NKAIN2: variants seen among roughly 807,000 people sequenced by gnomAD.
NKAIN2 encodes the protein sodium/potassium transporting ATPase interacting 2, also known as sodium/potassium-transporting ATPase subunit beta-1-interacting protein 2.
Under a neutral mutation model 32.6 loss-of-function variants are expected in NKAIN2, and 14 were observed. The ratio of observed to expected loss-of-function variants is 0.43; its 90% confidence interval spans 0.28 to 0.67. NKAIN2 has a LOEUF of 0.67. NKAIN2 is among the 30% of genes least tolerant of loss of function. NKAIN2 has a pLI of 0.17. For missense variants in NKAIN2, 198 were observed against 258.3 expected, an observed-to-expected ratio of 0.77 and a Z score of 1.60; for synonymous variants, 80 against 87.2, an observed-to-expected ratio of 0.92 and a Z score of 0.46.
intron 3 of NKAIN2, among the ~76,000 whole-genome samples, chr6:124,391,778 T>C (rs958973912): frequency 6.6e-6 from 1 of 152,160 alleles, no homozygotes; most frequent in African/African-American, 2.4e-5. Flanking sequence ...CTTTTGGTGG[T>C]GCTCAAAACT....
chr6:124,714,644 A>G (rs964849942), intron 4 of NKAIN2, among the ~76,000 whole-genome samples: 6 of 152,334 alleles, frequency 3.9e-5, no homozygotes, highest in Admixed American at 1.3e-4. Flanking sequence ...CAGGCCGTCT[A>G]AAGAAGAAAG....
chr6:123,968,341 G>T (rs1329417511), intron 1 of NKAIN2, among the ~76,000 whole-genome samples: 1 of 152,062 alleles, frequency 6.6e-6, no homozygotes, highest in Non-Finnish European at 1.5e-5. Flanking sequence ...TACTTATAGT[G>T]GTCCAGATGA....
chr6:124,358,713 G>T (rs142313461), intron 3 of NKAIN2, among the ~76,000 whole-genome samples: 22,749 of 151,532 alleles, frequency 0.15, 2,135 homozygotes, highest in Admixed American at 0.26. Flanking sequence ...TTTCTCCCAT[G>T]TTGTAGGTTG....
intron 1 of NKAIN2, among the ~76,000 whole-genome samples, chr6:123,844,327 G>A (rs1775005998): frequency 6.6e-6 from 1 of 152,056 alleles, no homozygotes; most frequent in Admixed American, 6.5e-5. Flanking sequence ...TTATGAGAGA[G>A]GAATTAGTTT....
At chr6:124,425,580 G>A (rs1301499387) in intron 3 of NKAIN2, among the ~76,000 whole-genome samples, 2 of 151,818 alleles carry the variant, frequency 1.3e-5, no homozygotes, top group African/African-American at 2.4e-5. Context: ...AATATATGAG[G>A]AATTTATACA....
chr6:124,113,885 A>G (rs531877368), intron 1 of NKAIN2, among the ~76,000 whole-genome samples: 153 of 152,280 alleles, frequency 1.0e-3, no homozygotes, highest in African/African-American at 3.7e-3. Context: ...ATTGTGGCTG[A>G]ATCGATATGC....
intron 1 of NKAIN2, among the ~76,000 whole-genome samples, chr6:123,879,160 T>C (rs1022338072): frequency 6.6e-6 from 1 of 152,220 alleles, no homozygotes; most frequent in Non-Finnish European, 1.5e-5. Flanking sequence ...TCTTGGGAGC[T>C]GAGTCGAACT....
At chr6:123,921,953 G>A (rs1775776445) in intron 1 of NKAIN2, among the ~76,000 whole-genome samples, 1 of 151,628 alleles carries the variant, frequency 6.6e-6, no homozygotes, top group Admixed American at 6.6e-5. Context: ...AATGCCTAAT[G>A]TTGATGAACT....
rs369961130 is a variant in NKAIN2 at position 124,331,037 on chromosome 6, T to A, written c.193-24230T>A. On this transcript the variant is annotated intron_variant, in intron 2 of 6. Coordinates refer to ENST00000368417, the MANE Select transcript of NKAIN2 (RefSeq NM_001040214.3). ...AAATTGGTCCCTGGTGCCAAAAAGG[T>A]TGGGACCGCTGCCCTACAGCATCTA... Among the ~76,000 whole-genome samples the A allele has an allele frequency of 6.8e-4, 103 of 152,204 alleles. 3 individuals are homozygous for A. In the South Asian group the frequency reaches 0.021, roughly 31 times the overall value.
chr6:123,853,090 G>C (rs968257779), intron 1 of NKAIN2, among the ~76,000 whole-genome samples: 1 of 152,172 alleles, frequency 6.6e-6, no homozygotes, highest in African/African-American at 2.4e-5. Context: ...TCTTGATACT[G>C]TGTGCCACAG....
At chr6:124,333,048 A>C (rs180794382) in intron 2 of NKAIN2, among the ~76,000 whole-genome samples, 1 of 152,294 alleles carries the variant, frequency 6.6e-6, no homozygotes, top group African/African-American at 2.4e-5. Flanking sequence ...AATTCTAGAA[A>C]TCTGCCTAGA....
chr6:124,556,366 A>G (rs1780476217), intron 3 of NKAIN2, among the ~76,000 whole-genome samples: 1 of 152,146 alleles, frequency 6.6e-6, no homozygotes, highest in Non-Finnish European at 1.5e-5. Flanking sequence ...TGCCATTGTG[A>G]TGGTATTAAG....
chr6:124,553,166 A>G (rs1459982565), intron 3 of NKAIN2, among the ~76,000 whole-genome samples: 2 of 152,236 alleles, frequency 1.3e-5, no homozygotes, highest in Non-Finnish European at 2.9e-5. Flanking sequence ...ATGTTTAGCA[A>G]TGAATCGTTA....
chr6:124,454,078 A>G (rs1165337415), intron 3 of NKAIN2, among the ~76,000 whole-genome samples: 3 of 118,786 alleles, frequency 2.5e-5, no homozygotes, highest in African/African-American at 9.7e-5. Flanking sequence ...TGAAATACTT[A>G]GTTCTTTAAT....
intron 1 of NKAIN2, among the ~76,000 whole-genome samples, chr6:124,134,010 G>T (rs1357488003): frequency 6.6e-6 from 1 of 151,702 alleles, no homozygotes; most frequent in Non-Finnish European, 1.5e-5. Context: ...TATCTCCCCA[G>T]CAACTGATCT....
At position 124,057,290 on chromosome 6, in the gene NKAIN2, A is replaced by G. The variant is rs151092493; in HGVS notation, c.55-225715A>G. Among the ~76,000 whole-genome samples the G allele has an allele frequency of 4.2e-3, 641 of 152,062 alleles. 5 individuals carry two copies. The highest frequency in any genetic ancestry group is 0.03 in the East Asian group (153 of 5,156). On this transcript the variant is annotated intron_variant, in intron 1 of 6. Transcript: ENST00000368417. ...TGTTCTCATTCATCCCTCCAACTAC[A>G]TGTATGTTTCTTTTTAAATTTGTCT...
At chr6:124,585,635 A>T (rs907173160) in intron 3 of NKAIN2, among the ~76,000 whole-genome samples, 2 of 152,236 alleles carry the variant, frequency 1.3e-5, no homozygotes, top group African/African-American at 2.4e-5. Flanking sequence ...ACATCTGATC[A>T]GACATTTTTT....
intron 3 of NKAIN2, among the ~76,000 whole-genome samples, chr6:124,396,896 GTCTT>G (rs1773406111): frequency 6.6e-6 from 1 of 152,122 alleles, no homozygotes; most frequent in Admixed American, 6.5e-5. Context: ...GCATTATTTA[GTCTT>G]TCTTATGGAG....
Position 124,474,975 on chromosome 6 carries a change from G to A in NKAIN2, c.273+119628G>A, listed in dbSNP as rs188566512. Among the ~76,000 whole-genome samples the A allele has an allele frequency of 7.7e-3, 1,145 of 148,226 alleles. 14 individuals are homozygous for A. Among genetic ancestry groups the A allele is most frequent in the African/African-American group, 0.027 (1,093 of 40,508 alleles). The stretch of plus-strand genomic sequence containing the variant: ...ACATATATATATAACGTATAGACAC[G>A]CATGCATATATATATATGTATATAA... On this transcript the variant is annotated intron_variant, in intron 3 of 6. Coordinates refer to ENST00000368417, the MANE Select transcript of NKAIN2 (RefSeq NM_001040214.3).
Sources: gnomAD v4.1 joint callset for allele counts (sites outside exome capture counted in the v4.1 genomes callset) on GRCh38, gnomAD v4.1.1 for gene constraint, MANE v1.5 for transcripts, NCBI Gene and HGNC (gene_info 2026-07-23, HGNC 2026-07-21) for gene names.